The following NEGR1 variants were observed in gnomAD, a reference collection of about 807,000 sequenced individuals.
NEGR1 encodes neuronal growth regulator 1.
NEGR1 carries 10 observed loss-of-function variants against 40.9 expected under a neutral mutation model. The ratio of observed to expected loss-of-function variants is 0.24; its 90% CI spans 0.15 to 0.42. NEGR1 has a LOEUF of 0.42. Among genes scored for constraint, NEGR1 ranks in the 10% least tolerant of loss-of-function variants. The pLI is 1.00. For missense variants in NEGR1, 352 were observed against 438.9 expected, an observed-to-expected ratio of 0.80 and a Z score of 1.77; for synonymous variants, 185 against 166.8, an observed-to-expected ratio of 1.11 and a Z score of -0.84.
At chr1:71,688,320 A>AGATAGAT (rs1653109835) in intron 4 of NEGR1, among the ~76,000 whole-genome samples, 1 of 115,180 alleles carries the variant, frequency 8.7e-6, no homozygotes, top group Non-Finnish European at 1.8e-5. Context: ...ATATATATAT[A>AGATAGAT]TATATATAGA....
chr1:72,069,569 ACTAT>A (rs1170775381), intron 1 of NEGR1, among the ~76,000 whole-genome samples: 1 of 152,150 alleles, frequency 6.6e-6, no homozygotes, highest in Non-Finnish European at 1.5e-5. Flanking sequence ...ATGGATATCC[ACTAT>A]CTCTCTCTTA....
intron 6 of NEGR1, among the ~76,000 whole-genome samples, chr1:71,452,509 A>C (rs924877514): frequency 6.6e-6 from 1 of 152,218 alleles, no homozygotes; most frequent in African/African-American, 2.4e-5. Context: ...GATTATGTGA[A>C]GAAAGAATTC....
chr1:71,838,496 G>A (rs930009668), intron 2 of NEGR1, among the ~76,000 whole-genome samples: 1 of 152,106 alleles, frequency 6.6e-6, no homozygotes, highest in East Asian at 1.9e-4. Context: ...TAAGGTAAAA[G>A]TCATTGATAC....
chr1:72,210,635 C>T (rs1445925322), intron 1 of NEGR1, among the ~76,000 whole-genome samples: 1 of 151,816 alleles, frequency 6.6e-6, no homozygotes, highest in Non-Finnish European at 1.5e-5. Flanking sequence ...CCGCTGTGAA[C>T]TTGAAAGCTT....
intron 3 of NEGR1, among the ~76,000 whole-genome samples, chr1:71,718,821 A>G (rs531358037): frequency 6.6e-6 from 1 of 152,172 alleles, no homozygotes; most frequent in South Asian, 2.1e-4. Context: ...CTTCATCCTT[A>G]TTCTTATATT....
At chr1:71,958,008 C>T (rs975587693) in intron 1 of NEGR1, among the ~76,000 whole-genome samples, 1 of 152,142 alleles carries the variant, frequency 6.6e-6, no homozygotes, top group Non-Finnish European at 1.5e-5. Context: ...AAAACCTCCA[C>T]CATCCTTTAA....
chr1:71,832,920 A>G (rs1658888575), intron 2 of NEGR1, among the ~76,000 whole-genome samples: 1 of 152,046 alleles, frequency 6.6e-6, no homozygotes, highest in South Asian at 2.1e-4. Flanking sequence ...TTAAGAACAG[A>G]TAGTATTATT....
chr1:71,880,720 TTC>T (rs1485593899), intron 2 of NEGR1, among the ~76,000 whole-genome samples: 2 of 151,992 alleles, frequency 1.3e-5, no homozygotes, highest in Non-Finnish European at 2.9e-5. Context: ...GTATGCATAT[TTC>T]TCTTTCTACC....
intron 2 of NEGR1, among the ~76,000 whole-genome samples, chr1:71,850,768 G>C (rs1461396782): frequency 6.6e-5 from 10 of 152,078 alleles, no homozygotes. Flanking sequence ...AATGTATCTA[G>C]GGAATACAAT....
chr1:72,037,880 T>G (rs1311416354), intron 1 of NEGR1, among the ~76,000 whole-genome samples: 1 of 151,668 alleles, frequency 6.6e-6, no homozygotes, highest in East Asian at 2.0e-4. Flanking sequence ...ATGAACCACC[T>G]GTAATTAACA....
intron 1 of NEGR1, among the ~76,000 whole-genome samples, chr1:71,994,056 C>A (rs1469187473): frequency 6.6e-6 from 1 of 152,116 alleles, no homozygotes; most frequent in Non-Finnish European, 1.5e-5. Context: ...TCCAGCACAA[C>A]TCTGTTGTTT....
intron 1 of NEGR1, among the ~76,000 whole-genome samples, chr1:72,160,791 T>C (rs1570059353): frequency 6.6e-6 from 1 of 152,162 alleles, no homozygotes; most frequent in East Asian, 1.9e-4. Context: ...GAATTTAAGA[T>C]TACCTGAAGG....
intron 1 of NEGR1, among the ~76,000 whole-genome samples, chr1:72,225,751 AG>A (rs1263053165): frequency 1.6e-4 from 24 of 151,768 alleles, no homozygotes; most frequent in Non-Finnish European, 3.0e-5. Flanking sequence ...TATTTTTGGA[AG>A]TGATCATTTC....
At chr1:72,055,907 G>A (rs1240408502) in intron 1 of NEGR1, among the ~76,000 whole-genome samples, 2 of 149,794 alleles carry the variant, frequency 1.3e-5, no homozygotes, top group African/African-American at 4.9e-5. Context: ...CTAGATACTA[G>A]TTCTTAAAAT....
intron 1 of NEGR1, among the ~76,000 whole-genome samples, chr1:72,017,931 T>G (rs1247076345): frequency 6.6e-6 from 1 of 152,132 alleles, no homozygotes; most frequent in African/African-American, 2.4e-5. Flanking sequence ...ATTTCCAAAA[T>G]TATACTCATC....
intron 1 of NEGR1, among the ~76,000 whole-genome samples, chr1:72,091,807 C>T (rs923109894): frequency 6.6e-6 from 1 of 152,086 alleles, no homozygotes; most frequent in African/African-American, 2.4e-5. Flanking sequence ...ACACAGAAGT[C>T]CAATATCAAG....
Position 71,455,527 on chromosome 1 carries a change from C to T in NEGR1, c.941-47957G>A, listed in dbSNP as rs191416055. On this transcript the variant is annotated intron_variant, in intron 6 of 6. Transcript: ENST00000357731. ...AGATCACAAGGTCAGGAGATCGAGACCATCCTGGCCAACATGATAAAACAC... is the reference window on the plus strand; with the variant it reads ...AGATCACAAGGTCAGGAGATCGAGATCATCCTGGCCAACATGATAAAACAC... Among the ~76,000 whole-genome samples the T allele has an allele frequency of 1.4e-3, 207 of 152,272 alleles. 1 individual carries two copies. Among genetic ancestry groups the T allele is most frequent in the Non-Finnish European group, 1.6e-3 (110 of 68,024 alleles).
intron 3 of NEGR1, among the ~76,000 whole-genome samples, chr1:71,701,738 C>A (rs528978590): frequency 6.6e-6 from 1 of 151,910 alleles, no homozygotes; most frequent in Non-Finnish European, 1.5e-5. Context: ...CTTGCATATA[C>A]AAATTTTAAT....
At chr1:71,462,000 T>A (rs1033198085) in intron 6 of NEGR1, among the ~76,000 whole-genome samples, 1 of 152,154 alleles carries the variant, frequency 6.6e-6, no homozygotes, top group Non-Finnish European at 1.5e-5. Flanking sequence ...TGCTCTGTTA[T>A]CCCTGAAATT....
Sources: allele counts gnomAD v4.1 joint callset (sites outside exome capture counted in the v4.1 genomes callset), GRCh38; gene constraint gnomAD v4.1.1; transcripts MANE v1.5; gene names NCBI Gene and HGNC (gene_info 2026-07-23, HGNC 2026-07-21).